GRM5: variants seen among roughly 807,000 people sequenced by gnomAD.
GRM5 encodes the protein glutamate metabotropic receptor 5, also known as metabotropic glutamate receptor 5.
A neutral mutation model predicts 83.1 loss-of-function variants in GRM5; 19 were observed. The ratio of observed to expected loss-of-function variants is 0.23; its 90% CI spans 0.16 to 0.34. The LOEUF (loss-of-function observed/expected upper bound fraction) is 0.34. GRM5 is among the 10% of genes least tolerant of loss of function. The probability of loss-of-function intolerance (pLI) is 1.00; values close to 1 mark genes in which losing one functional copy is unlikely to be tolerated. For synonymous variants in GRM5, 675 were observed against 633.6 expected, an observed-to-expected ratio of 1.07 and a Z score of -0.98; for missense variants, 1,160 against 1,588.3, an observed-to-expected ratio of 0.73 and a Z score of 4.58.
At chr11:88,980,849 A>G (rs1939497628) in intron 2 of GRM5, among the ~76,000 whole-genome samples, 1 of 152,136 alleles carries the variant, frequency 6.6e-6, no homozygotes. Flanking sequence ...TAAAAATAAA[A>G]GGATATAACC....
intron 2 of GRM5, among the ~76,000 whole-genome samples, chr11:88,908,827 A>G (rs1362395611): frequency 2.0e-5 from 3 of 152,150 alleles, no homozygotes; most frequent in Admixed American, 1.3e-4. Flanking sequence ...AGATTTCAGA[A>G]TGCCCAGTGA....
intron 8 of GRM5, among the ~76,000 whole-genome samples, chr11:88,536,789 T>G (rs1942144715): frequency 1.3e-5 from 2 of 152,208 alleles, no homozygotes; most frequent in Non-Finnish European, 2.9e-5. Flanking sequence ...TCTACAGATT[T>G]ATTGCCACAT....
chr11:88,743,634 T>C (rs1942073375), intron 3 of GRM5, among the ~76,000 whole-genome samples: 1 of 152,122 alleles, frequency 6.6e-6, no homozygotes, highest in Non-Finnish European at 1.5e-5. Context: ...CAGTGAGAGA[T>C]ATGATTACAA....
intron 3 of GRM5, among the ~76,000 whole-genome samples, chr11:88,789,776 G>A (rs1591517810): frequency 6.6e-6 from 1 of 152,088 alleles, no homozygotes; most frequent in Admixed American, 6.6e-5. Context: ...TAAATTATAT[G>A]CTGTACCAAT....
At chr11:88,776,415 T>C (rs1410327884) in intron 3 of GRM5, among the ~76,000 whole-genome samples, 1 of 152,216 alleles carries the variant, frequency 6.6e-6, no homozygotes. Context: ...TATCTTTTAA[T>C]TGGGGCATTT....
chr11:88,859,546 C>T (rs1264672525), intron 2 of GRM5, among the ~76,000 whole-genome samples: 3 of 152,116 alleles, frequency 2.0e-5, no homozygotes, highest in African/African-American at 4.8e-5. Context: ...TTATTTCCCA[C>T]ATTTCTAAAG....
chr11:89,026,305 A>C (rs1377227841), intron 2 of GRM5, among the ~76,000 whole-genome samples: 2 of 152,212 alleles, frequency 1.3e-5, no homozygotes, highest in Non-Finnish European at 2.9e-5. Flanking sequence ...GTACCCCCTG[A>C]ACCTAAAGTA....
chr11:88,610,703 C>G (rs940440853), intron 4 of GRM5, among the ~76,000 whole-genome samples: 1 of 152,076 alleles, frequency 6.6e-6, no homozygotes, highest in Non-Finnish European at 1.5e-5. Context: ...ATTTGGGTGC[C>G]CTTTATTTCT....
intron 2 of GRM5, among the ~76,000 whole-genome samples, chr11:88,981,562 G>C (rs966987522): frequency 2.6e-5 from 4 of 152,104 alleles, no homozygotes; most frequent in Non-Finnish European, 4.4e-5. Context: ...ACAGTCATTC[G>C]TTCTGGCTGA....
chr11:88,702,503 G>T (rs1941057488), intron 3 of GRM5, among the ~76,000 whole-genome samples: 1 of 152,046 alleles, frequency 6.6e-6, no homozygotes, highest in African/African-American at 2.4e-5. Context: ...ACTCCTAAAT[G>T]TTTGGTGTTT....
At position 88,868,364 on chromosome 11, in the gene GRM5, TA is replaced by T. The variant is rs560861309; in HGVS notation, c.662-18210del. Among the ~76,000 whole-genome samples the T allele has an allele frequency of 1.2e-4, 18 of 151,496 alleles. No homozygotes were observed. In the South Asian group the frequency reaches 3.3e-3, roughly 28 times the overall value. On this transcript the variant is annotated intron_variant, in intron 2 of 9. Transcript: ENST00000305447. ...TGTTTGAGCAAGTTATTAATCTTTC[TA>T]AGTCTTTTTTTTCTCATCTATAACA...
At chr11:88,516,912 TTCC>T (rs1941536074) in intron 9 of GRM5, among the ~76,000 whole-genome samples, 1 of 152,106 alleles carries the variant, frequency 6.6e-6, no homozygotes, top group Non-Finnish European at 1.5e-5. Context: ...ATAGAAATCT[TTCC>T]TTTCTCTGGA....
intron 2 of GRM5, among the ~76,000 whole-genome samples, chr11:88,867,601 G>A (rs1944693459): frequency 6.6e-6 from 1 of 151,670 alleles, no homozygotes; most frequent in Non-Finnish European, 1.5e-5. Flanking sequence ...ATGTGACTGT[G>A]TTTGTATACA....
At chr11:88,876,706 C>T (rs1363600981) in intron 2 of GRM5, among the ~76,000 whole-genome samples, 1 of 152,038 alleles carries the variant, frequency 6.6e-6, no homozygotes, top group Non-Finnish European at 1.5e-5. Context: ...TGTTCTGTCT[C>T]TGACAACAGG....
chr11:88,913,525 T>C (rs1356695910), intron 2 of GRM5, among the ~76,000 whole-genome samples: 1 of 151,880 alleles, frequency 6.6e-6, no homozygotes, highest in African/African-American at 2.4e-5. Flanking sequence ...TGATGAGAAT[T>C]CCTACTGGTT....
rs115524010 is a variant in GRM5 at position 88,587,921 on chromosome 11, C to A, written c.1690+2680G>T. 7.4e-3 allele frequency among the ~76,000 whole-genome samples: 1,119 copies of A among 152,204 alleles called. 11 individuals are homozygous for A. The highest frequency in any genetic ancestry group is 0.026 in the African/African-American group (1,081 of 41,532). ...TTTCCTTTCCCTATGTAAAACTTATCTTTAATAAATGTACATGCTTTTCTC... is the reference window on the plus strand; with the variant it reads ...TTTCCTTTCCCTATGTAAAACTTATATTTAATAAATGTACATGCTTTTCTC... On this transcript the variant is annotated intron_variant, in intron 7 of 9. Coordinates refer to ENST00000305447, the MANE Select transcript of GRM5 (RefSeq NM_001143831.3).
intron 3 of GRM5, among the ~76,000 whole-genome samples, chr11:88,746,767 TG>T (rs1219056418): frequency 6.6e-6 from 1 of 152,100 alleles, no homozygotes; most frequent in Non-Finnish European, 1.5e-5. Context: ...ACATCAAAGA[TG>T]GTTGTAATCA....
At chr11:89,006,912 C>G (rs1008995770) in intron 2 of GRM5, among the ~76,000 whole-genome samples, 2 of 152,218 alleles carry the variant, frequency 1.3e-5, no homozygotes, top group Non-Finnish European at 2.9e-5. Flanking sequence ...GTTCTCCTGC[C>G]CAAGCCTCCT....
chr11:89,064,174 C>G (rs8181510), intron 1 of GRM5, among the ~76,000 whole-genome samples: 2 of 152,152 alleles, frequency 1.3e-5, no homozygotes, highest in African/African-American at 4.8e-5. Context: ...CCCTGACTAC[C>G]TAATCTTTAA....
Sources: gnomAD v4.1 joint callset for allele counts (sites outside exome capture counted in the v4.1 genomes callset) on GRCh38, gnomAD v4.1.1 for gene constraint, MANE v1.5 for transcripts, NCBI Gene and HGNC (gene_info 2026-07-23, HGNC 2026-07-21) for gene names.